The following MCUB variants were observed in gnomAD, a reference collection of about 807,000 sequenced individuals.
MCUB encodes calcium uniporter regulatory subunit MCUb, mitochondrial.
In MCUB, 46 loss-of-function variants were observed where a neutral mutation model predicts 41.4. The observed-to-expected ratio is 1.11, with a 90% confidence interval of 0.88 to 1.42. The LOEUF is 1.42. MCUB is among the 40% of genes most tolerant of loss of function. MCUB has a pLI of 0.00. For missense variants in MCUB, 403 were observed against 404.9 expected, an observed-to-expected ratio of 1.00 and a Z score of 0.04; for synonymous variants, 148 against 148.2, an observed-to-expected ratio of 1.00 and a Z score of 0.01.
intron 1 of MCUB, among the ~76,000 whole-genome samples, chr4:109,577,244 G>C (rs1433673407): frequency 6.6e-6 from 1 of 152,200 alleles, no homozygotes; most frequent in African/African-American, 2.4e-5. Flanking sequence ...TAAAACTTCA[G>C]GTGCTTTATT....
rs142171148 is a variant in MCUB, at chr4:109,684,573, T to C, written c.743T>C (p.Met248Thr). The C allele has an allele frequency of 1.9e-6, 3 of 1,605,398 alleles. No homozygotes were observed. Among genetic ancestry groups the C allele is most frequent in the African/African-American group, 2.7e-5 (2 of 74,756 alleles). ...TGGTGGGTGTACTCCTGGGATATCA[T>C]GGAGCCAGTTACATACTTCATCACA... ...LTWWVYSWDIMEPVTYFITFA... is the reference protein window; with the variant it reads ...LTWWVYSWDITEPVTYFITFA... The change falls in exon 6 of 8, where the codon ATG becomes ACG. Residue 248 changes from methionine (M) to threonine (T), a missense_variant. Transcript: ENST00000394650.
rs559133125 is a variant in MCUB, at chr4:109,658,079, C to T, written c.100-932C>T. The stretch of plus-strand genomic sequence containing the variant: ...CTGAGCTCAAGCAATCCTCCTGCTT[C>T]GGCCTCCCATAGTGCTAGGATTACA... On this transcript the variant is annotated intron_variant, in intron 1 of 7. Transcript: ENST00000394650. 2.0e-5 allele frequency among the ~76,000 whole-genome samples: 3 copies of T among 152,316 alleles called. No individual in the cohort carries two copies. In the South Asian group the frequency reaches 6.2e-4, roughly 32 times the overall value.
intron 1 of MCUB, among the ~76,000 whole-genome samples, chr4:109,603,401 A>G (rs985839658): frequency 1.3e-5 from 2 of 152,276 alleles, no homozygotes; most frequent in Non-Finnish European, 1.5e-5. Context: ...TCAGTGCTCA[A>G]TGTTGCCCAG....
chr4:109,678,806 C>T lies in MCUB; in HGVS notation c.452-3776C>T, dbSNP rs559030618. Among the ~76,000 whole-genome samples the T allele has an allele frequency of 2.3e-3, 335 of 145,942 alleles. 1 individual carries two copies. The highest frequency in any genetic ancestry group is 8.4e-3 in the African/African-American group (327 of 39,050). ...CGATGGGTGGCCGGGCAGAGGCGCT[C>T]CTCAATTCCCAGACGGGGCAGCTGG... On this transcript the variant is annotated intron_variant, in intron 4 of 7. Transcript: ENST00000394650.
intron 3 of MCUB, among the ~76,000 whole-genome samples, chr4:109,660,723 G>A (rs1311498573): frequency 6.6e-6 from 1 of 151,864 alleles, no homozygotes; most frequent in African/African-American, 2.4e-5. Flanking sequence ...GGCTGAGGCA[G>A]GAGAATTGCT....
chr4:109,663,101 A>C (rs1434088984), intron 3 of MCUB, among the ~76,000 whole-genome samples: 1 of 152,250 alleles, frequency 6.6e-6, no homozygotes, highest in Non-Finnish European at 1.5e-5. Context: ...GGATGTTACT[A>C]GTGTTAGTCC....
intron 4 of MCUB, among the ~76,000 whole-genome samples, chr4:109,669,466 T>C (rs1729409794): frequency 1.3e-5 from 2 of 152,166 alleles, no homozygotes; most frequent in African/African-American, 4.8e-5. Context: ...TTTGATTTTC[T>C]GCAGTTTGAA....
intron 1 of MCUB, chr4:109,648,494 G>C (rs1728885785): frequency 3.0e-6 from 1 of 328,902 alleles, no homozygotes; most frequent in African/African-American, 2.2e-5. Flanking sequence ...TCATTTTGTG[G>C]ATTAACTACT....
chr4:109,660,415 C>T, intron 3 of MCUB, 50 bp downstream of exon 3: 1 of 1,064,662 alleles, frequency 9.4e-7, no homozygotes, highest in Non-Finnish European at 1.4e-6. Flanking sequence ...TCTGTCTCTC[C>T]TGAACTTTTG....
At chr4:109,571,946 A>C (rs898319016) in intron 1 of MCUB, among the ~76,000 whole-genome samples, 4 of 152,218 alleles carry the variant, frequency 2.6e-5, no homozygotes, top group African/African-American at 9.6e-5. Context: ...TTACTGTGGG[A>C]AGAGGAAGAA....
At chr4:109,627,408 A>G (rs1002038478) in intron 1 of MCUB, among the ~76,000 whole-genome samples, 4 of 152,214 alleles carry the variant, frequency 2.6e-5, no homozygotes, top group Admixed American at 2.6e-4. Flanking sequence ...TGCCTCCTCA[A>G]ATGGAATCTG....
At chr4:109,595,883 GGAGAC>G (rs1561220956) in intron 1 of MCUB, among the ~76,000 whole-genome samples, 1 of 151,290 alleles carries the variant, frequency 6.6e-6, no homozygotes, top group Non-Finnish European at 1.5e-5. Context: ...TGGCCCTTGG[GGAGAC>G]GAGTTCTAGT....
At chr4:109,593,174 T>A (rs565816847) in intron 1 of MCUB, among the ~76,000 whole-genome samples, 2 of 152,316 alleles carry the variant, frequency 1.3e-5, no homozygotes, top group Admixed American at 1.3e-4. Context: ...AAAGGGGCAG[T>A]TAGGATGATA....
intron 1 of MCUB, among the ~76,000 whole-genome samples, chr4:109,649,220 T>C (rs930455713): frequency 5.3e-5 from 8 of 152,224 alleles, no homozygotes; most frequent in African/African-American, 1.7e-4. Context: ...TGGATATCTA[T>C]CTACCACCTT....
intron 1 of MCUB, among the ~76,000 whole-genome samples, chr4:109,574,286 C>G (rs1355902307): frequency 6.6e-6 from 1 of 152,084 alleles, no homozygotes; most frequent in Non-Finnish European, 1.5e-5. Context: ...GAAATTACTC[C>G]CAAGATAGAG....
At chr4:109,621,718 T>A (rs1335480705) in intron 1 of MCUB, among the ~76,000 whole-genome samples, 1 of 152,174 alleles carries the variant, frequency 6.6e-6, no homozygotes, top group Admixed American at 6.6e-5. Context: ...GCATTATTAT[T>A]TTGTTCTTGT....
chr4:109,573,483 A>G (rs1452349619), intron 1 of MCUB, among the ~76,000 whole-genome samples: 2 of 152,050 alleles, frequency 1.3e-5, no homozygotes, highest in African/African-American at 4.8e-5. Flanking sequence ...AGTGGTAGAA[A>G]CAAAACCGAT....
At chr4:109,639,533 C>T (rs951299992) in intron 1 of MCUB, among the ~76,000 whole-genome samples, 1 of 151,914 alleles carries the variant, frequency 6.6e-6, no homozygotes, top group East Asian at 1.9e-4. Flanking sequence ...ACTAAAAATA[C>T]AAAAATTAGC....
chr4:109,634,420 T>C (rs780418908), intron 1 of MCUB, among the ~76,000 whole-genome samples: 9 of 150,300 alleles, frequency 6.0e-5, no homozygotes, highest in Non-Finnish European at 1.0e-4. Context: ...GAGGCGGAGG[T>C]TGCAGTGAGC....
Sources: allele counts gnomAD v4.1 joint callset (sites outside exome capture counted in the v4.1 genomes callset), GRCh38; gene constraint gnomAD v4.1.1; transcripts MANE v1.5; gene names NCBI Gene and HGNC (gene_info 2026-07-23, HGNC 2026-07-21).